Variants in SMAGP observed in about 807,000 individuals in gnomAD.
The protein encoded by SMAGP is small cell transmembrane and glycosylated protein.
Under a neutral mutation model 10.1 loss-of-function variants are expected in SMAGP, and 7 were observed. The observed-to-expected ratio is 0.70, with a 90% confidence interval of 0.40 to 1.31. The LOEUF (loss-of-function observed/expected upper bound fraction) is 1.31, where lower values mean the gene tolerates loss of function less well. Among genes scored for constraint, SMAGP ranks in the 50% most tolerant of loss-of-function variants. The probability of loss-of-function intolerance (pLI) is 0.01; values close to 1 mark genes in which losing one functional copy is unlikely to be tolerated. For synonymous variants in SMAGP, 49 were observed against 47.2 expected (o/e 1.04, Z -0.16); for missense variants, 113 against 116.5 (o/e 0.97, Z 0.14).
rs1428984710 is a variant in SMAGP at position 51,269,117 on chromosome 12, C to T, written c.34+128G>A. Reference sequence around the variant, plus strand: ...TCTAGTTCCTGCTTCCTCCCAGGCCCTTCCTGTGTGAGGCAGGCAGAGAGA... The same window carrying T: ...TCTAGTTCCTGCTTCCTCCCAGGCCTTTCCTGTGTGAGGCAGGCAGAGAGA... On this transcript the variant is annotated intron_variant, in intron 2 of 3. Transcript: ENST00000603798. 4 of 1,000,432 alleles carry T rather than the reference C, an allele frequency of 4.0e-6. No homozygotes were observed. The East Asian group carries it at 9.7e-5, about 24-fold the overall frequency. The allele number at this position is 1,000,432 out of a possible 1,614,324, so 62.0% of individuals were successfully genotyped here.
rs747418565 is a variant in SMAGP, at chr12:51,245,120, C to G, written c.*821G>C. On this transcript the variant is annotated 3_prime_UTR_variant, in exon 4 of 4. Coordinates refer to ENST00000603798, the MANE Select transcript of SMAGP (RefSeq NM_001031628.2). ...GGGATCACAGGCGTGAGCCACCGAA[C>G]CCGGCCCTCCCAGGGTATGTTTCTA... 6.6e-6 allele frequency: 1 copy of G among 152,018 alleles called. No individual in the cohort carries two copies. Among genetic ancestry groups the G allele is most frequent in the Non-Finnish European group, 1.5e-5 (1 of 68,068 alleles). 9.4% of individuals were successfully genotyped at this position (152,018 alleles called of 1,614,324 possible). A position where few individuals can be genotyped will look rare whatever the true frequency, so the allele number is the denominator to read the frequency against.
In SMAGP at chr12:51,245,964, C is replaced by T. The variant is rs774272044; in HGVS notation, c.271G>A (p.Glu91Lys). The T allele has an allele frequency of 1.9e-6, 3 of 1,613,748 alleles. No individual in the cohort carries two copies. Among genetic ancestry groups the T allele is most frequent in the Non-Finnish European group, 2.5e-6 (3 of 1,179,714 alleles). Residue 91 changes from glutamate (E) to lysine (K), a missense_variant, in exon 4 of 4, where the codon GAG becomes AAG. Glu to Lys is a moderately conservative substitution (Grantham distance 56). Coordinates refer to ENST00000603798, the MANE Select transcript of SMAGP (RefSeq NM_001031628.2). ...QMESDLAKGSEKEEYFI is the reference protein window; with the variant it reads ...QMESDLAKGSKKEEYFI ...CATTAGATGAAATATTCCTCTTTCT[C>T]GCTGCCCTTGGCCAAGTCACTCTCC...
chr12:51,264,174 G>A (rs1458619750), intron 2 of SMAGP, among the ~76,000 whole-genome samples: 1 of 152,152 alleles, frequency 6.6e-6, no homozygotes, highest in Non-Finnish European at 1.5e-5. Flanking sequence ...GACAGGGGTA[G>A]AAGAGAAGAG....
At chr12:51,266,346 TGTGTTCA>T (rs1177580093) in intron 2 of SMAGP, among the ~76,000 whole-genome samples, 4 of 152,084 alleles carry the variant, frequency 2.6e-5, no homozygotes, top group African/African-American at 9.7e-5. Context: ...CCACAGCGCT[TGTGTTCA>T]AGTAACCCTT....
At chr12:51,258,968 G>C (rs2137304753) in intron 2 of SMAGP, among the ~76,000 whole-genome samples, 1 of 141,460 alleles carries the variant, frequency 7.1e-6, no homozygotes, top group South Asian at 2.3e-4. Flanking sequence ...GCAACATGGG[G>C]AGACCCTGTC....
At chr12:51,252,879 G>A (rs578255402) in intron 2 of SMAGP, among the ~76,000 whole-genome samples, 3 of 152,078 alleles carry the variant, frequency 2.0e-5, no homozygotes, top group South Asian at 4.1e-4. Flanking sequence ...GGACATGGGG[G>A]AAGTGAGCTC....
rs375937867 is a variant in SMAGP, at chr12:51,249,623, A to AT, written c.35-2793dup. 4.3e-4 allele frequency among the ~76,000 whole-genome samples: 62 copies of AT among 145,730 alleles called. No individual in the cohort carries two copies. The South Asian group carries it at 5.2e-3, about 12-fold the overall frequency. On this transcript the variant is annotated intron_variant, in intron 2 of 3. Transcript: ENST00000603798. ...TAGAGTTTGTCTAGAACAGTTATAC[A>AT]TTTTTTTTTTTTAAGATGGAGTCTT... is the stretch of plus-strand genomic sequence containing the variant.
chr12:51,248,432 ACACTCTCTCTCTCTCTCTCTCTCT>A (rs1448233422), intron 2 of SMAGP, among the ~76,000 whole-genome samples: 1 of 48,714 alleles, frequency 2.1e-5, no homozygotes. Flanking sequence ...ACACACACAC[ACACTCTCTCTCTCTCTCTCTCTCT>A]CTCTCTCTCT....
At chr12:51,268,509 T>C (rs1183850300) in intron 2 of SMAGP, among the ~76,000 whole-genome samples, 1 of 152,142 alleles carries the variant, frequency 6.6e-6, no homozygotes, top group Non-Finnish European at 1.5e-5. Context: ...TATAAATTAT[T>C]AGACAGATGA....
At chr12:51,251,171 C>T (rs1266448638) in intron 2 of SMAGP, among the ~76,000 whole-genome samples, 1 of 152,286 alleles carries the variant, frequency 6.6e-6, no homozygotes, top group East Asian at 1.9e-4. Flanking sequence ...TGGTAGCTCA[C>T]GCCTGTAATC....
chr12:51,266,643 A>G (rs188984554), intron 2 of SMAGP, among the ~76,000 whole-genome samples: 180 of 152,282 alleles, frequency 1.2e-3, no homozygotes, highest in African/African-American at 3.8e-3. Context: ...AAGCTTTATC[A>G]TAAGTATGTA....
chr12:51,256,588 C>A (rs1257602060), intron 2 of SMAGP, among the ~76,000 whole-genome samples: 1 of 151,966 alleles, frequency 6.6e-6, no homozygotes, highest in Non-Finnish European at 1.5e-5. Flanking sequence ...GGGGTGGTGG[C>A]GCATGCCTGT....
chr12:51,262,024 G>A (rs1944936550), intron 2 of SMAGP, among the ~76,000 whole-genome samples: 1 of 151,794 alleles, frequency 6.6e-6, no homozygotes, highest in African/African-American at 2.4e-5. Flanking sequence ...GATTGCTTGA[G>A]GCCAGAAGTT....
chr12:51,263,809 G>C (rs777786047), intron 2 of SMAGP, among the ~76,000 whole-genome samples: 16 of 152,164 alleles, frequency 1.1e-4, no homozygotes, highest in Non-Finnish European at 2.4e-4. Context: ...GGCCCACAAT[G>C]CTTCGAAAGG....
intron 3 of SMAGP, 111 bp from the exon 4 acceptor site, chr12:51,246,230 TTAAC>T (rs1338923068): frequency 6.8e-7 from 1 of 1,466,666 alleles, no homozygotes; most frequent in Admixed American, 2.3e-5. Context: ...CTTGTTTTCA[TTAAC>T]TAGTGTCCAC....
chr12:51,246,667 C>T, intron 3 of SMAGP, 84 bp downstream of exon 3: 1 of 824,664 alleles, frequency 1.2e-6, no homozygotes, highest in South Asian at 2.0e-5. Context: ...AGAGTGAGCC[C>T]ATTAATGGAT....
At chr12:51,265,917 C>A (rs938844163) in intron 2 of SMAGP, among the ~76,000 whole-genome samples, 9 of 152,070 alleles carry the variant, frequency 5.9e-5, no homozygotes, top group African/African-American at 1.9e-4. Flanking sequence ...CCCGTCTCTA[C>A]TAAAAATACA....
chr12:51,263,133 G>A (rs916873849), intron 2 of SMAGP, among the ~76,000 whole-genome samples: 4 of 151,934 alleles, frequency 2.6e-5, no homozygotes, highest in African/African-American at 7.3e-5. Flanking sequence ...CTGTAATCCC[G>A]GCACTTTGGG....
intron 2 of SMAGP, among the ~76,000 whole-genome samples, chr12:51,268,586 T>TCCTTTCCTCCCTCCTCCCTC (rs1555167778): frequency 7.9e-4 from 109 of 138,122 alleles, no homozygotes; most frequent in East Asian, 1.1e-3. Flanking sequence ...TCCTTTCCTT[T>TCCTTTCCTCCCTCCTCCCTC]CCTCCCTCCC....
Sources: gnomAD v4.1 joint callset for allele counts (sites outside exome capture counted in the v4.1 genomes callset) on GRCh38, gnomAD v4.1.1 for gene constraint, MANE v1.5 for transcripts, NCBI Gene and HGNC (gene_info 2026-07-23, HGNC 2026-07-21) for gene names.